SEL1L3: variants seen among roughly 807,000 people sequenced by gnomAD.
SEL1L3 encodes protein sel-1 homolog 3.
In SEL1L3, 76 loss-of-function variants were observed where a neutral mutation model predicts 142.8. That is an observed-to-expected ratio of 0.53 (90% CI 0.44 to 0.64). The LOEUF is 0.64. Among genes scored for constraint, SEL1L3 ranks in the 30% least tolerant of loss-of-function variants. The pLI is 0.00. For synonymous variants in SEL1L3, 504 were observed against 519.6 expected, an observed-to-expected ratio of 0.97 and a Z score of 0.41; for missense variants, 1,262 against 1,381.7, an observed-to-expected ratio of 0.91 and a Z score of 1.37.
At position 25,759,939 on chromosome 4, in the gene SEL1L3, C is replaced by T. The variant is rs563046106; in HGVS notation, c.2956-871G>A. ...TGTGTTTTGTTTTTAACTTCTGTTT[C>T]AACTTTAGGGGTACATGTACAGGTT... On this transcript the variant is annotated intron_variant, in intron 20 of 23. Transcript: ENST00000399878. The T allele has an allele frequency of 2.6e-4, 40 of 152,294 alleles. 1 individual carries two copies. The highest frequency in any genetic ancestry group is 9.6e-4 in the African/African-American group (40 of 41,556). 9.4% of individuals were successfully genotyped at this position (152,294 alleles called of 1,614,324 possible).
At chr4:25,815,544 G>A (rs1714337113) in intron 9 of SEL1L3, among the ~76,000 whole-genome samples, 1 of 152,144 alleles carries the variant, frequency 6.6e-6, no homozygotes, top group Non-Finnish European at 1.5e-5. Flanking sequence ...TTGTGGAAAG[G>A]ATGCACTCCT....
intron 11 of SEL1L3, among the ~76,000 whole-genome samples, chr4:25,799,768 TC>T (rs1713048150): frequency 6.6e-6 from 1 of 152,166 alleles, no homozygotes; most frequent in Non-Finnish European, 1.5e-5. Context: ...GGGATGTGTT[TC>T]TTTTGCAGTA....
the SEL1L3 span, among the ~76,000 whole-genome samples, chr4:25,726,431 G>A: frequency 1.3e-5 from 2 of 150,996 alleles, no homozygotes; most frequent in Non-Finnish European, 2.9e-5. Context: ...AGGAGCCTGA[G>A]ACAGGAGAAT....
intron 23 of SEL1L3, among the ~76,000 whole-genome samples, chr4:25,749,613 T>C (rs967823987): frequency 9.2e-5 from 14 of 152,174 alleles, no homozygotes; most frequent in African/African-American, 3.4e-4. Flanking sequence ...TGTGCTAATT[T>C]TATTATTGGA....
rs191705331 is a variant in SEL1L3 at position 25,766,867 on chromosome 4, G to T, written c.2845+658C>A. 2.0e-4 allele frequency among the ~76,000 whole-genome samples: 30 copies of T among 152,274 alleles called. No homozygotes were observed. The East Asian group carries it at 5.8e-3, about 29-fold the overall frequency. ...AGGAATCAGAAGCCGGTGGGTAGAGGAGTCCAGGAACTGTAGTTCCTGGAG... is the reference window on the plus strand; with the variant it reads ...AGGAATCAGAAGCCGGTGGGTAGAGTAGTCCAGGAACTGTAGTTCCTGGAG... On this transcript the variant is annotated intron_variant, in intron 19 of 23. Coordinates refer to ENST00000399878, the MANE Select transcript of SEL1L3 (RefSeq NM_015187.5).
At chr4:25,832,895 A>C in intron 5 of SEL1L3, 100 bp downstream of exon 5, 1 of 696,856 alleles carries the variant, frequency 1.4e-6, no homozygotes, top group Non-Finnish European at 2.6e-6. Context: ...TTTACCACAA[A>C]TTTGCTTTTG....
the SEL1L3 span, among the ~76,000 whole-genome samples, chr4:25,734,625 G>A: frequency 2.0e-5 from 3 of 152,010 alleles, no homozygotes; most frequent in Non-Finnish European, 2.9e-5. Flanking sequence ...CTGGAGTGTA[G>A]TGGCCTGATC....
intron 20 of SEL1L3, among the ~76,000 whole-genome samples, chr4:25,761,800 A>C (rs1165023230): frequency 6.6e-6 from 1 of 152,222 alleles, no homozygotes; most frequent in African/African-American, 2.4e-5. Context: ...CAATTAGCAA[A>C]ATTAAATCAT....
chr4:25,836,051 G>GT (rs199678924), intron 2 of SEL1L3, among the ~76,000 whole-genome samples: 44 of 152,066 alleles, frequency 2.9e-4, no homozygotes, highest in East Asian at 1.2e-3. Context: ...TAAAATTGCA[G>GT]TTTTTTTTCT....
At chr4:25,775,589 T>C (rs1265351281) in intron 17 of SEL1L3, among the ~76,000 whole-genome samples, 2 of 151,976 alleles carry the variant, frequency 1.3e-5, no homozygotes, top group South Asian at 2.1e-4. Flanking sequence ...CTAGAACTGA[T>C]AGAAAAAAAT....
At chr4:25,736,585 G>T in the SEL1L3 span, among the ~76,000 whole-genome samples, 2 of 152,104 alleles carry the variant, frequency 1.3e-5, no homozygotes, top group African/African-American at 4.8e-5. Context: ...TGTCCATCTT[G>T]GTGAGCGTTC....
At chr4:25,744,035 G>A (rs1717189788), downstream of SEL1L3, among the ~76,000 whole-genome samples, 1 of 152,102 alleles carries the variant, frequency 6.6e-6, no homozygotes, top group Non-Finnish European at 1.5e-5. Context: ...GTCTAAGGTG[G>A]GACATGAATT....
At chr4:25,805,726 A>G (rs963989391) in intron 9 of SEL1L3, among the ~76,000 whole-genome samples, 1 of 152,218 alleles carries the variant, frequency 6.6e-6, no homozygotes, top group Admixed American at 6.5e-5. Context: ...TTGTTAATTC[A>G]GCCAACGAAT....
chr4:25,819,865 C>G lies in SEL1L3; in HGVS notation c.1366G>C (p.Glu456Gln). 6.2e-7 allele frequency: 1 copy of G among 1,613,646 alleles called. No individual in the cohort carries two copies. Among genetic ancestry groups the G allele is most frequent in the Non-Finnish European group, 8.5e-7 (1 of 1,179,746 alleles). ...LYYERCAEVQ[E>Q]IVSVYASAAK... Reference sequence around the variant, plus strand: ...GCAGATGCATACACAGATACTATTTCTTGAACCTCAGCACACCTTTCATAA... The same window carrying G: ...GCAGATGCATACACAGATACTATTTGTTGAACCTCAGCACACCTTTCATAA... Residue 456 changes from glutamate (E) to glutamine (Q), a missense_variant, in exon 8 of 24, where the codon GAA becomes CAA. By Grantham distance (29) the Glu-to-Gln change is conservative. Coordinates refer to ENST00000399878, the MANE Select transcript of SEL1L3 (RefSeq NM_015187.5).
chr4:25,780,490 C>T (rs1249684068), intron 15 of SEL1L3, among the ~76,000 whole-genome samples: 1 of 152,048 alleles, frequency 6.6e-6, no homozygotes, highest in African/African-American at 2.4e-5. Flanking sequence ...CTGCTTTCCA[C>T]TCCACTCCCC....
At chr4:25,843,571 G>A (rs1716308621) in intron 2 of SEL1L3, among the ~76,000 whole-genome samples, 1 of 152,166 alleles carries the variant, frequency 6.6e-6, no homozygotes, top group Non-Finnish European at 1.5e-5. Flanking sequence ...CATGTGATTT[G>A]GGAGGGACAA....
downstream of SEL1L3, among the ~76,000 whole-genome samples, chr4:25,747,234 G>A (rs1270336456): frequency 6.6e-6 from 1 of 152,126 alleles, no homozygotes; most frequent in South Asian, 2.1e-4. Context: ...ACATTCTAAG[G>A]CCAGACCTGA....
intron 10 of SEL1L3, among the ~76,000 whole-genome samples, chr4:25,803,779 A>G (rs570961239): frequency 6.7e-6 from 1 of 148,420 alleles, no homozygotes; most frequent in Admixed American, 6.6e-5. Context: ...GGTTTTTTAT[A>G]TGTTTTTTTT....
chr4:25,784,802 C>T lies in SEL1L3; in HGVS notation c.2218-512G>A, dbSNP rs776816328. The stretch of plus-strand genomic sequence containing the variant: ...AGATAGAAGGCAGCAGAATTGGTTG[C>T]CTCAGATGTAACTAACAGAAACTAA... On this transcript the variant is annotated intron_variant, in intron 13 of 23. Transcript: ENST00000399878. Among the ~76,000 whole-genome samples the T allele has an allele frequency of 2.2e-4, 33 of 152,288 alleles. No homozygotes were observed. The South Asian group carries it at 2.5e-3, about 11-fold the overall frequency.
Sources: gnomAD v4.1 joint callset for allele counts (sites outside exome capture counted in the v4.1 genomes callset) on GRCh38, gnomAD v4.1.1 for gene constraint, MANE v1.5 for transcripts, NCBI Gene and HGNC (gene_info 2026-07-23, HGNC 2026-07-21) for gene names.